Variants in LMBR1 observed in about 807,000 individuals in gnomAD.
LMBR1 encodes the protein limb development membrane protein 1.
Under a neutral mutation model 73.9 loss-of-function variants are expected in LMBR1, and 52 were observed. That is an observed-to-expected ratio of 0.70 (90% CI 0.56 to 0.89). The LOEUF is 0.89. LMBR1 is among the 40% of genes least tolerant of loss of function. LMBR1 has a pLI of 0.00. For synonymous variants in LMBR1, 215 were observed against 209.4 expected (o/e 1.03, Z -0.23); for missense variants, 539 against 579.8 (o/e 0.93, Z 0.72).
chr7:156,747,304 G>A (rs781262330), intron 9 of LMBR1, among the ~76,000 whole-genome samples: 2 of 152,092 alleles, frequency 1.3e-5, no homozygotes, highest in Non-Finnish European at 2.9e-5. Context: ...AAAACTAATA[G>A]CTGAAGGCAA....
intron 9 of LMBR1, among the ~76,000 whole-genome samples, chr7:156,749,263 G>A (rs113989502): frequency 1.9e-3 from 278 of 148,008 alleles, no homozygotes; most frequent in Non-Finnish European, 3.2e-3. Flanking sequence ...AGAGAATCTG[G>A]CATGAGCTTC....
intron 3 of LMBR1, among the ~76,000 whole-genome samples, chr7:156,828,864 A>G (rs66519712): frequency 0.42 from 64,502 of 151,960 alleles, 13,989 homozygotes; most frequent in East Asian, 0.6. Context: ...ATGGTGCCCC[A>G]CCCAAATTTT....
chr7:156,724,711 CACTT>C, intron 14 of LMBR1, among the ~76,000 whole-genome samples: 1 of 151,350 alleles, frequency 6.6e-6, no homozygotes, highest in Non-Finnish European at 1.5e-5. Flanking sequence ...TATTTATGAT[CACTT>C]AAACTAGATA....
At chr7:156,675,682 C>G (rs1264989494), downstream of LMBR1, 5 of 1,600,626 alleles carry the variant, frequency 3.1e-6, no homozygotes, top group African/African-American at 4.0e-5. Flanking sequence ...TACCCGCCCC[C>G]GCCTCCTCCT....
Position 156,769,902 on chromosome 7 carries a change from T to C in LMBR1, c.424-6107A>G, listed in dbSNP as rs532752697. On this transcript the variant is annotated intron_variant, in intron 5 of 16. Transcript: ENST00000353442. ...TCAGAAGAAACACAACCCTAACAAA[T>C]GGCCCAGGTAAAGAGCAGTCAAGAC... is the stretch of plus-strand genomic sequence containing the variant. Among the ~76,000 whole-genome samples, 202 of 152,066 alleles carry C rather than the reference T, an allele frequency of 1.3e-3. 3 individuals carry two copies. Among genetic ancestry groups the C allele is most frequent in the African/African-American group, 4.4e-3 (183 of 41,476 alleles).
chr7:156,853,077 T>C (rs188943534), intron 1 of LMBR1, among the ~76,000 whole-genome samples: 43 of 152,082 alleles, frequency 2.8e-4, no homozygotes, highest in Admixed American at 2.3e-3. Flanking sequence ...TAGCTGGGAC[T>C]ACAGGCACCC....
chr7:156,705,993 G>A (rs1380428259), intron 15 of LMBR1, among the ~76,000 whole-genome samples: 1 of 152,008 alleles, frequency 6.6e-6, no homozygotes, highest in African/African-American at 2.4e-5. Flanking sequence ...TTGGTGGAAT[G>A]GATAGAGAAA....
In LMBR1 at chr7:156,681,022, A is replaced by G. The variant is rs180883547; in HGVS notation, c.*3056T>C. 4.6e-4 allele frequency: 171 copies of G among 370,388 alleles called. 2 individuals carry two copies. Among genetic ancestry groups the G allele is most frequent in the Non-Finnish European group, 1.1e-4 (21 of 197,216 alleles). The allele number at this position is 370,388 out of a possible 1,614,324, so 22.9% of individuals were successfully genotyped here. A position where few individuals can be genotyped will look rare whatever the true frequency, so the allele number is the denominator to read the frequency against. On this transcript the variant is annotated 3_prime_UTR_variant, in exon 17 of 17. Transcript: ENST00000353442. ...ACTAGTGTGTCCAAATGTTATTTTT[A>G]AAAGTTAACATTATACCAGTTTTTT...
intron 1 of LMBR1, among the ~76,000 whole-genome samples, chr7:156,885,436 C>A (rs1406689422): frequency 6.6e-6 from 1 of 151,834 alleles, no homozygotes; most frequent in Non-Finnish European, 1.5e-5. Flanking sequence ...AAGCCATACC[C>A]AGGATAAGGA....
downstream of LMBR1, chr7:156,675,809 A>C (rs1464240977): frequency 6.2e-7 from 1 of 1,614,212 alleles, no homozygotes; most frequent in South Asian, 1.1e-5. Flanking sequence ...AGCAGTTGGA[A>C]GAAAAATGTG....
At chr7:156,761,865 T>C (rs751246492) in intron 8 of LMBR1, among the ~76,000 whole-genome samples, 47 of 151,376 alleles carry the variant, frequency 3.1e-4, no homozygotes, top group Non-Finnish European at 2.8e-4. Flanking sequence ...TAGTCCCAGC[T>C]ACTCGGGAGG....
intron 4 of LMBR1, among the ~76,000 whole-genome samples, chr7:156,671,039 C>T (rs1232030741): frequency 6.6e-6 from 1 of 152,040 alleles, no homozygotes; most frequent in Non-Finnish European, 1.5e-5. Context: ...TGTATTGGTT[C>T]GAGGGATAAA....
chr7:156,689,647 A>AT (rs555758969), intron 15 of LMBR1, among the ~76,000 whole-genome samples: 1 of 152,174 alleles, frequency 6.6e-6, no homozygotes, highest in African/African-American at 2.4e-5. Flanking sequence ...ATACCAAAAT[A>AT]TTTTTTTAAG....
At chr7:156,801,010 C>A (rs1171723458) in intron 4 of LMBR1, among the ~76,000 whole-genome samples, 1 of 152,140 alleles carries the variant, frequency 6.6e-6, no homozygotes, top group Admixed American at 6.5e-5. Flanking sequence ...ATGGAATCTA[C>A]CCTGGTGAAG....
chr7:156,725,629 G>T, intron 13 of LMBR1, 104 bp from the exon 14 acceptor site: 1 of 1,201,154 alleles, frequency 8.3e-7, no homozygotes, highest in Non-Finnish European at 1.2e-6. Flanking sequence ...AAAACAAAAA[G>T]CCGCTTTAAG....
intron 8 of LMBR1, among the ~76,000 whole-genome samples, chr7:156,757,574 G>A (rs149564282): frequency 1.4e-3 from 220 of 152,140 alleles, no homozygotes; most frequent in African/African-American, 4.9e-3. Context: ...TATTATCTTC[G>A]TAGCTGTAGG....
intron 6 of LMBR1, 80 bp downstream of exon 6, chr7:156,763,589 G>T: frequency 8.1e-7 from 1 of 1,236,518 alleles, no homozygotes; most frequent in Non-Finnish European, 1.1e-6. Context: ...AGATTTAAAT[G>T]TTTTTAAAAT....
intron 15 of LMBR1, among the ~76,000 whole-genome samples, chr7:156,705,352 G>A (rs558911460): frequency 6.6e-6 from 1 of 152,328 alleles, no homozygotes; most frequent in Non-Finnish European, 1.5e-5. Flanking sequence ...GAGCCCAGGA[G>A]TTCGAGACCA....
chr7:156,809,906 G>C (rs914839027), intron 4 of LMBR1, among the ~76,000 whole-genome samples: 3 of 152,138 alleles, frequency 2.0e-5, no homozygotes, highest in African/African-American at 7.2e-5. Flanking sequence ...TCTAAAATCA[G>C]TGGGTTTATA....
Sources: allele counts gnomAD v4.1 joint callset (sites outside exome capture counted in the v4.1 genomes callset), GRCh38; gene constraint gnomAD v4.1.1; transcripts MANE v1.5; gene names NCBI Gene and HGNC (gene_info 2026-07-23, HGNC 2026-07-21).